RTKN: variants seen among roughly 807,000 people sequenced by gnomAD.
RTKN encodes rhotekin.
A neutral mutation model predicts 63.5 loss-of-function variants in RTKN; 49 were observed. The ratio of observed to expected loss-of-function variants is 0.77; its 90% CI spans 0.61 to 0.98. The LOEUF (loss-of-function observed/expected upper bound fraction) is 0.98, where lower values mean the gene tolerates loss of function less well. Ranked by LOEUF, RTKN falls within the 50% of genes least tolerant of loss-of-function variation. The pLI is 0.00. For missense variants in RTKN, 685 were observed against 740.8 expected, an observed-to-expected ratio of 0.92 and a Z score of 0.87; for synonymous variants, 295 against 290.4, an observed-to-expected ratio of 1.02 and a Z score of -0.16.
In RTKN at chr2:74,428,869, CAT is replaced by C. The variant is rs1274699920; in HGVS notation, c.827_828del (p.His276ArgfsTer8). On this transcript the variant is annotated frameshift_variant, in exon 7 of 12. Transcript: ENST00000272430. LOFTEE classifies it high-confidence loss of function. ...TTACCATGACTGGCAAGGGTGAGGT[CAT>C]GTGTGCGGAATCCATCTTGCACTGC... The part of the protein sequence containing the change: ...LAAVQDGFRT[H>X]DLTLASHEEN... The C allele has an allele frequency of 6.2e-7, 1 of 1,614,078 alleles. No individual in the cohort carries two copies. The highest frequency in any genetic ancestry group is 1.1e-5 in the South Asian group (1 of 91,044).
chr2:74,439,592 G>A (rs377248450), intron 1 of RTKN: 6 of 1,614,118 alleles, frequency 3.7e-6, no homozygotes, highest in Middle Eastern at 1.7e-4. Context: ...AGCATATTCA[G>A]GTCCTCCAGG....
intron 1 of RTKN, among the ~76,000 whole-genome samples, chr2:74,434,852 T>C (rs966042892): frequency 2.6e-5 from 4 of 152,154 alleles, no homozygotes; most frequent in Admixed American, 6.5e-5. Context: ...GAGTGGGGCA[T>C]ATGTACTTTT....
chr2:74,430,116 C>G, intron 5 of RTKN, 79 bp from the exon 6 acceptor site: 1 of 1,547,296 alleles, frequency 6.5e-7, no homozygotes, highest in Non-Finnish European at 8.9e-7. Flanking sequence ...GAGGCAAGTG[C>G]AGGACAGCTC....
intron 1 of RTKN, among the ~76,000 whole-genome samples, chr2:74,434,219 C>G (rs959979542): frequency 2.6e-5 from 4 of 151,558 alleles, no homozygotes; most frequent in Non-Finnish European, 4.4e-5. Flanking sequence ...TCTTGTGCCT[C>G]AGCCTCCTGA....
intron 1 of RTKN, among the ~76,000 whole-genome samples, chr2:74,433,491 ATTT>A (rs34033427): frequency 1.4e-5 from 2 of 142,322 alleles, no homozygotes; most frequent in Non-Finnish European, 1.5e-5. Flanking sequence ...TCAGTGCGGC[ATTT>A]TTTTTTTTTT....
intron 9 of RTKN, chr2:74,428,033 G>C (rs539719468): frequency 1.7e-6 from 1 of 575,724 alleles, no homozygotes; most frequent in East Asian, 2.9e-5. Flanking sequence ...ACCTGCAGGC[G>C]AGAGAACCCT....
At position 74,430,361 on chromosome 2, in the gene RTKN, G is replaced by A. The variant is rs759179515; in HGVS notation, c.436C>T (p.Arg146Cys). The change falls in exon 5 of 12, where the codon CGC becomes TGC. Residue 146 changes from arginine to cysteine, a missense_variant. Coordinates refer to ENST00000272430, the MANE Select transcript of RTKN (RefSeq NM_001015055.2). ...TGCAGCAGCAGGAACACAGCCCAGC[G>A]GTGCAAGTCTGGGGACAAAGGGCAA... ...EYFKNKGDLH[R>C]WAVFLLLQLG... 86 of 1,614,182 alleles carry A rather than the reference G, an allele frequency of 5.3e-5. 1 individual carries two copies. The South Asian group carries it at 5.7e-4, about 11-fold the overall frequency.
chr2:74,429,626 C>T (rs1236038991), intron 6 of RTKN, among the ~76,000 whole-genome samples: 2 of 152,204 alleles, frequency 1.3e-5, no homozygotes, highest in Admixed American at 6.5e-5. Context: ...CCTGCCTTCC[C>T]ACTGGTCTTC....
In RTKN at chr2:74,429,932, G is replaced by A; in HGVS notation, c.651C>T (p.Leu217=). Residue 217 remains leucine, a synonymous_variant, in exon 6 of 12, where the codon CTC becomes CTT. Transcript: ENST00000272430. ...TGGPKRLATK[L]SSSLGRSSGR... ...CTGAGGAGCGGCCCAGGGAGCTGCT[G>A]AGTTTGGTGGCAAGCCTCTTGGGGC... is the stretch of plus-strand genomic sequence containing the variant. 6.2e-7 allele frequency: 1 copy of A among 1,614,220 alleles called. No homozygotes were observed. Among genetic ancestry groups the A allele is most frequent in the South Asian group, 1.1e-5 (1 of 91,084 alleles).
intron 1 of RTKN, among the ~76,000 whole-genome samples, chr2:74,437,718 T>C (rs1214295283): frequency 6.6e-6 from 1 of 152,204 alleles, no homozygotes; most frequent in East Asian, 1.9e-4. Flanking sequence ...ATGTAACTGA[T>C]GTGGACAGTG....
At chr2:74,439,139 A>G (rs370639288) in intron 1 of RTKN, among the ~76,000 whole-genome samples, 4 of 152,178 alleles carry the variant, frequency 2.6e-5, no homozygotes, top group Non-Finnish European at 5.9e-5. Flanking sequence ...AAATACACGA[A>G]TAAACAGCAC....
intron 11 of RTKN, chr2:74,426,965 G>T (rs79378788): frequency 1.0e-6 from 1 of 985,402 alleles, no homozygotes; most frequent in African/African-American, 1.7e-5. Context: ...GCTCACTGGG[G>T]TTTTGTTTTG....
chr2:74,434,863 G>C (rs1267003251), intron 1 of RTKN, among the ~76,000 whole-genome samples: 1 of 152,122 alleles, frequency 6.6e-6, no homozygotes. Flanking sequence ...ATGTACTTTT[G>C]GAAAACTCCC....
In RTKN at chr2:74,430,656, G is replaced by A. The variant is rs775271755; in HGVS notation, c.333C>T (p.Pro111=). 1.7e-5 allele frequency: 27 copies of A among 1,612,978 alleles called. No homozygotes were observed. The highest frequency in any genetic ancestry group is 2.2e-5 in the East Asian group (1 of 44,898). Residue 111 remains proline, a synonymous_variant, in exon 3 of 12, where the codon CCC becomes CCT. Coordinates refer to ENST00000272430, the MANE Select transcript of RTKN (RefSeq NM_001015055.2). ...GGCCGCGGCAGGGGGAGCGCTCAGC[G>A]GGCGGGCCACTGTCAGAAGGCCTGT... ...TSRRPSDSGP[P]AERSPCRGRV... is the part of the protein sequence containing the mutation.
chr2:74,426,149 G>T lies in RTKN; in HGVS notation c.*94C>A. 1 of 1,166,618 alleles carries T rather than the reference G, an allele frequency of 8.6e-7. No homozygotes were observed. Among genetic ancestry groups the T allele is most frequent in the Non-Finnish European group, 1.2e-6 (1 of 805,706 alleles). 72.3% of individuals were successfully genotyped at this position (1,166,618 alleles called of 1,614,324 possible). On this transcript the variant is annotated 3_prime_UTR_variant, in exon 12 of 12. Transcript: ENST00000272430. ...CAGCAGAGGAACAGGAGGCCAGACT[G>T]GCCAACTTGCTATAGACAGCGCCGT...
chr2:74,441,497 C>G (rs1476761281), intron 1 of RTKN, among the ~76,000 whole-genome samples: 1 of 152,240 alleles, frequency 6.6e-6, no homozygotes, highest in Non-Finnish European at 1.5e-5. Flanking sequence ...GCAGATAATC[C>G]TAACCAGGCC....
chr2:74,439,245 T>C (rs1033542422), intron 1 of RTKN, among the ~76,000 whole-genome samples: 4 of 152,218 alleles, frequency 2.6e-5, no homozygotes, highest in South Asian at 2.1e-4. Context: ...CTCTCTCACA[T>C]TGAACTCCTC....
intron 8 of RTKN, 113 bp from the exon 9 acceptor site, chr2:74,428,509 C>T (rs775674136): frequency 1.4e-5 from 22 of 1,578,508 alleles, no homozygotes; most frequent in Non-Finnish European, 1.6e-5. Flanking sequence ...TTCCTCCCCT[C>T]GTCTGGCCAT....
At chr2:74,433,948 A>G (rs1226581820) in intron 1 of RTKN, among the ~76,000 whole-genome samples, 1 of 152,126 alleles carries the variant, frequency 6.6e-6, no homozygotes, top group African/African-American at 2.4e-5. Context: ...AAAATAAATG[A>G]TGTGAGAAAA....
Sources: allele counts gnomAD v4.1 joint callset (sites outside exome capture counted in the v4.1 genomes callset), GRCh38; gene constraint gnomAD v4.1.1; transcripts MANE v1.5; gene names NCBI Gene and HGNC (gene_info 2026-07-23, HGNC 2026-07-21).